The following GRID2 variants were observed in gnomAD, a reference collection of about 807,000 sequenced individuals.
The protein encoded by GRID2 is glutamate ionotropic receptor delta type subunit 2, also known as glutamate receptor ionotropic, delta-2.
In GRID2, 33 loss-of-function variants were observed where a neutral mutation model predicts 114.8. That is an observed-to-expected ratio of 0.29 (90% CI 0.22 to 0.38). The LOEUF (loss-of-function observed/expected upper bound fraction) is 0.38, where lower values mean the gene tolerates loss of function less well. Ranked by LOEUF, GRID2 falls within the 10% of genes least tolerant of loss-of-function variation. GRID2 has a pLI of 1.00. For synonymous variants in GRID2, 505 were observed against 449.9 expected, an observed-to-expected ratio of 1.12 and a Z score of -1.55; for missense variants, 1,184 against 1,257.7, an observed-to-expected ratio of 0.94 and a Z score of 0.89.
chr4:92,519,633 G>A (rs1000638281), intron 1 of GRID2, among the ~76,000 whole-genome samples: 4 of 150,816 alleles, frequency 2.7e-5, no homozygotes, highest in East Asian at 2.0e-4. Context: ...ATATAAGAGC[G>A]AGAGAGAGAT....
intron 3 of GRID2, among the ~76,000 whole-genome samples, chr4:93,088,356 T>C (rs1051506689): frequency 9.2e-5 from 14 of 152,184 alleles, no homozygotes; most frequent in African/African-American, 3.4e-4. Context: ...TATTCATTGC[T>C]CACTTGCTCA....
chr4:92,733,960 C>T (rs1005153111), intron 2 of GRID2, among the ~76,000 whole-genome samples: 1 of 152,076 alleles, frequency 6.6e-6, no homozygotes, highest in Admixed American at 6.6e-5. Context: ...CTCTTCCTCA[C>T]TTCCAATTAT....
At chr4:92,987,272 A>G (rs1354884027) in intron 2 of GRID2, among the ~76,000 whole-genome samples, 2 of 152,174 alleles carry the variant, frequency 1.3e-5, no homozygotes, top group African/African-American at 4.8e-5. Context: ...CTTCCTCACC[A>G]TTAAAGAAGG....
chr4:93,120,332 C>T (rs1733662647), intron 4 of GRID2, among the ~76,000 whole-genome samples: 1 of 152,114 alleles, frequency 6.6e-6, no homozygotes, highest in African/African-American at 2.4e-5. Context: ...ATAGCAAAGA[C>T]TTAGAACCAA....
chr4:92,707,175 A>G (rs1734994696), intron 2 of GRID2, among the ~76,000 whole-genome samples: 1 of 152,182 alleles, frequency 6.6e-6, no homozygotes, highest in Non-Finnish European at 1.5e-5. Context: ...TAAAAAGTAC[A>G]TTATAAAAAG....
intron 6 of GRID2, among the ~76,000 whole-genome samples, chr4:93,221,544 G>C (rs746711054): frequency 1.3e-5 from 2 of 152,138 alleles, no homozygotes; most frequent in African/African-American, 4.8e-5. Context: ...GGCCTAAGTA[G>C]AAGTGAAGAT....
At chr4:92,927,852 T>G (rs1220219494) in intron 2 of GRID2, among the ~76,000 whole-genome samples, 2 of 151,782 alleles carry the variant, frequency 1.3e-5, no homozygotes, top group African/African-American at 4.8e-5. Context: ...CGATTTCAGA[T>G]TTTTGCATTT....
chr4:93,543,827 T>C (rs1732915038), intron 13 of GRID2, among the ~76,000 whole-genome samples: 1 of 152,046 alleles, frequency 6.6e-6, no homozygotes, highest in Admixed American at 6.6e-5. Flanking sequence ...TGCACTGGCA[T>C]GGCCTTTGGG....
intron 4 of GRID2, among the ~76,000 whole-genome samples, chr4:93,181,029 A>G (rs1175942119): frequency 1.3e-5 from 2 of 152,164 alleles, no homozygotes; most frequent in African/African-American, 2.4e-5. Flanking sequence ...AAAGTTTTCA[A>G]TTTACTCTGC....
At chr4:93,484,018 T>G (rs959190935) in intron 11 of GRID2, among the ~76,000 whole-genome samples, 6 of 151,890 alleles carry the variant, frequency 4.0e-5, no homozygotes, top group African/African-American at 1.4e-4. Context: ...AAATGCATAT[T>G]TTTTTTCTAA....
At chr4:93,804,086 T>A (rs1307544249) in intron 1 of GRID2, among the ~76,000 whole-genome samples, 1 of 152,104 alleles carries the variant, frequency 6.6e-6, no homozygotes. Flanking sequence ...AGCCTGAAGG[T>A]CAGTGTCATC....
chr4:93,551,301 G>A (rs1022776363), intron 13 of GRID2, among the ~76,000 whole-genome samples: 11 of 152,162 alleles, frequency 7.2e-5, no homozygotes, highest in African/African-American at 2.4e-4. Context: ...AAGGTTTTGG[G>A]GATGGAGGTT....
rs931544737 is a variant in GRID2, at chr4:92,840,482, A to G, written c.245-244513A>G. Among the ~76,000 whole-genome samples, 3 of 151,828 alleles carry G rather than the reference A, an allele frequency of 2.0e-5. No individual in the cohort carries two copies. The South Asian group carries it at 6.2e-4, about 31-fold the overall frequency. On this transcript the variant is annotated intron_variant, in intron 2 of 15. Coordinates refer to ENST00000282020, the MANE Select transcript of GRID2 (RefSeq NM_001510.4). The stretch of plus-strand genomic sequence containing the variant: ...ATTTAGTGTCTTTTTTTTTAAACAT[A>G]GGGAGTTTATTCAGTCCTCAATTAT...
chr4:93,271,757 C>CA (rs1751491174), intron 8 of GRID2, among the ~76,000 whole-genome samples: 1 of 152,022 alleles, frequency 6.6e-6, no homozygotes, highest in African/African-American at 2.4e-5. Flanking sequence ...CTCTGAGATG[C>CA]AAAAAATATG....
chr4:92,434,038 A>G (rs529155805), intron 1 of GRID2, among the ~76,000 whole-genome samples: 4 of 152,352 alleles, frequency 2.6e-5, no homozygotes, highest in Non-Finnish European at 5.9e-5. Context: ...ATTGTTACAC[A>G]ATTCACGATG....
intron 8 of GRID2, among the ~76,000 whole-genome samples, chr4:93,239,320 T>G (rs1228920982): frequency 2.7e-5 from 4 of 149,532 alleles, no homozygotes; most frequent in African/African-American, 7.4e-5. Context: ...TATATATGAT[T>G]TGGATTTGCT....
intron 2 of GRID2, among the ~76,000 whole-genome samples, chr4:92,742,036 G>T (rs1736916298): frequency 6.6e-6 from 1 of 152,072 alleles, no homozygotes; most frequent in Non-Finnish European, 1.5e-5. Flanking sequence ...AGTAATTCAA[G>T]AAATGTCATT....
intron 2 of GRID2, among the ~76,000 whole-genome samples, chr4:92,796,119 A>G (rs1739857098): frequency 3.3e-5 from 5 of 151,926 alleles, no homozygotes; most frequent in Non-Finnish European, 2.9e-5. Context: ...TGTTCTCTCT[A>G]TTAGGATTCT....
rs575950692 is a variant in GRID2 at position 93,060,204 on chromosome 4, C to G, written c.245-24791C>G. ...CCCAGTTAATGAGGTTAGCAGCAGC[C>G]TCTATCCTCTGGGTCTAGTCAAACT... is the stretch of plus-strand genomic sequence containing the variant. On this transcript the variant is annotated intron_variant, in intron 2 of 15. Transcript: ENST00000282020. Among the ~76,000 whole-genome samples, 5 of 152,264 alleles carry G rather than the reference C, an allele frequency of 3.3e-5. No individual in the cohort carries two copies. In the East Asian group the frequency reaches 9.6e-4, roughly 29 times the overall value.
Sources: allele counts gnomAD v4.1 joint callset (sites outside exome capture counted in the v4.1 genomes callset), GRCh38; gene constraint gnomAD v4.1.1; transcripts MANE v1.5; gene names NCBI Gene and HGNC (gene_info 2026-07-23, HGNC 2026-07-21).